Variants in SNX25 observed in about 807,000 individuals in gnomAD.
SNX25 encodes the protein sorting nexin 25, also known as sorting nexin-25.
Under a neutral mutation model 113.7 loss-of-function variants are expected in SNX25, and 62 were observed. That is an observed-to-expected ratio of 0.55 (90% confidence interval 0.44 to 0.67). The LOEUF (loss-of-function observed/expected upper bound fraction) is 0.67, where lower values mean the gene tolerates loss of function less well. Ranked by LOEUF, SNX25 falls within the 30% of genes least tolerant of loss-of-function variation. SNX25 has a pLI of 0.00. For missense variants in SNX25, 1,014 were observed against 1,161.0 expected (o/e 0.87, Z 1.84); for synonymous variants, 421 against 436.2 (o/e 0.97, Z 0.43).
chr4:185,305,412 TC>T (rs1385360050), intron 6 of SNX25, among the ~76,000 whole-genome samples: 1 of 152,220 alleles, frequency 6.6e-6, no homozygotes, highest in Non-Finnish European at 1.5e-5. Flanking sequence ...TTGGTGTTTT[TC>T]TTTTTTTATA....
intron 3 of SNX25, among the ~76,000 whole-genome samples, chr4:185,263,819 G>A (rs561179590): frequency 1.2e-4 from 19 of 152,316 alleles, no homozygotes; most frequent in African/African-American, 4.6e-4. Context: ...AGTATAGAAA[G>A]TTCTGTTTTC....
chr4:185,273,975 G>A (rs1035756540), intron 5 of SNX25, among the ~76,000 whole-genome samples: 2 of 151,982 alleles, frequency 1.3e-5, no homozygotes, highest in African/African-American at 4.8e-5. Flanking sequence ...TCATGGTCCA[G>A]GGTGGATTCT....
chr4:185,303,360 C>T (rs1753974325), intron 6 of SNX25, among the ~76,000 whole-genome samples: 1 of 152,020 alleles, frequency 6.6e-6, no homozygotes, highest in African/African-American at 2.4e-5. Context: ...GTTCCAGCAC[C>T]AAGACATTAA....
intron 6 of SNX25, among the ~76,000 whole-genome samples, chr4:185,307,300 A>T (rs1169483447): frequency 1.3e-5 from 2 of 152,196 alleles, no homozygotes; most frequent in Non-Finnish European, 2.9e-5. Flanking sequence ...CCAAGAGACA[A>T]AACACAAATG....
chr4:185,348,955 GT>G (rs2095301976), intron 13 of SNX25, among the ~76,000 whole-genome samples: 1 of 151,948 alleles, frequency 6.6e-6, no homozygotes, highest in Non-Finnish European at 1.5e-5. Context: ...GGATCATGCA[GT>G]ATTTGTCTTT....
At chr4:185,290,007 T>G (rs1026328350) in intron 6 of SNX25, among the ~76,000 whole-genome samples, 3 of 152,212 alleles carry the variant, frequency 2.0e-5, no homozygotes, top group African/African-American at 7.2e-5. Context: ...GGCCTCTCCC[T>G]GTCTGCAGAT....
At chr4:185,344,766 G>A (rs2095277018) in intron 12 of SNX25, among the ~76,000 whole-genome samples, 3 of 152,090 alleles carry the variant, frequency 2.0e-5, no homozygotes, top group African/African-American at 7.2e-5. Flanking sequence ...CTTTAACCTT[G>A]TCTCCAGAGT....
In SNX25 at chr4:185,323,623, G is replaced by T; in HGVS notation, c.1572G>T (p.Gln524His). 1.2e-6 allele frequency: 2 copies of T among 1,613,586 alleles called. No homozygotes were observed. Among genetic ancestry groups the T allele is most frequent in the Non-Finnish European group, 8.5e-7 (1 of 1,179,698 alleles). Residue 524 changes from glutamine to histidine, a missense_variant, in exon 9 of 19, where the codon CAG becomes CAT. Physicochemically the swap from Gln to His is conservative, Grantham distance 24 (BLOSUM62 0). Transcript: ENST00000652585. ...SVEKSLYKEI[Q>H]QCLVGNKGIE... is the part of the protein sequence containing the mutation. ...AAAAATCACTTTACAAAGAAATTCA[G>T]CAGTGTCTTGTAGGAAATAAAGGTA...
chr4:185,374,377 GGTT>G, downstream of SNX25: 2 of 1,614,106 alleles, frequency 1.2e-6, no homozygotes, highest in South Asian at 2.2e-5. Flanking sequence ...GCTCTTCCGA[GGTT>G]GTAAGCAGCT....
At chr4:185,365,210 GGA>G (rs1424476149), downstream of SNX25, 4 of 152,036 alleles carry the variant, frequency 2.6e-5, no homozygotes, top group Non-Finnish European at 5.9e-5. Flanking sequence ...ATTCTGCATT[GGA>G]TTTATAGAAG....
At chr4:185,247,476 G>A in intron 2 of SNX25, 98 bp downstream of exon 2, 1 of 924,296 alleles carries the variant, frequency 1.1e-6, no homozygotes, top group South Asian at 1.5e-5. Context: ...CTTCTTGTCT[G>A]CATGTAGTGT....
intron 6 of SNX25, among the ~76,000 whole-genome samples, chr4:185,291,565 A>T (rs1752173044): frequency 6.6e-6 from 1 of 152,234 alleles, no homozygotes; most frequent in South Asian, 2.1e-4. Flanking sequence ...TTTGGAGGCA[A>T]GAAGTCTAAA....
chr4:185,347,397 G>A (rs568198994), intron 13 of SNX25, among the ~76,000 whole-genome samples: 1 of 152,148 alleles, frequency 6.6e-6, no homozygotes, highest in African/African-American at 2.4e-5. Context: ...TTTATTCTTA[G>A]CCATTTTGGG....
chr4:185,350,767 CAGG>C (rs2095311019), intron 13 of SNX25, among the ~76,000 whole-genome samples: 1 of 152,150 alleles, frequency 6.6e-6, no homozygotes, highest in South Asian at 2.1e-4. Context: ...GAGGCTGAGG[CAGG>C]AGAATTGCTG....
downstream of SNX25, among the ~76,000 whole-genome samples, chr4:185,373,337 T>G (rs559221942): frequency 2.0e-5 from 3 of 152,272 alleles, no homozygotes; most frequent in East Asian, 5.8e-4. Context: ...CCAGCTGTCC[T>G]AGGTTTCAGG....
intron 5 of SNX25, among the ~76,000 whole-genome samples, chr4:185,277,788 A>G (rs574586816): frequency 3.0e-5 from 1 of 32,830 alleles, no homozygotes; most frequent in Non-Finnish European, 5.5e-5. Context: ...GCTGGAGTGC[A>G]GTGGCGGGAT....
At chr4:185,372,759 G>C, downstream of SNX25, 1 of 1,039,688 alleles carries the variant, frequency 9.6e-7, no homozygotes, top group Non-Finnish European at 1.4e-6. Context: ...GCCCTCTCCT[G>C]GCCTCTGGAA....
intron 4 of SNX25, among the ~76,000 whole-genome samples, chr4:185,265,184 T>A (rs138455326): frequency 5.5e-4 from 84 of 152,308 alleles, no homozygotes; most frequent in Middle Eastern, 3.4e-3. Context: ...CTATATGATT[T>A]GTTGATAATG....
At position 185,310,680 on chromosome 4, in the gene SNX25, A is replaced by G. The variant is rs771734945; in HGVS notation, c.1208A>G (p.Asn403Ser). Residue 403 changes from asparagine to serine, a missense_variant, in exon 7 of 19, where the codon AAC becomes AGC. Asn to Ser is a conservative substitution (Grantham distance 46). Transcript: ENST00000652585. Reference protein sequence around the residue: ...AMKADLLRARNMKRYINQLTV... With the variant: ...AMKADLLRARSMKRYINQLTV... ...AAAGCTGATCTCCTGAGGGCCAGGAACATGAAGAGGTACATCAACCAACTG... is the reference window on the plus strand; with the variant it reads ...AAAGCTGATCTCCTGAGGGCCAGGAGCATGAAGAGGTACATCAACCAACTG... 13 of 1,614,058 alleles carry G rather than the reference A, an allele frequency of 8.1e-6. No individual in the cohort carries two copies. In the Admixed American group the frequency reaches 1.8e-4, roughly 23 times the overall value.
Sources: allele counts gnomAD v4.1 joint callset (sites outside exome capture counted in the v4.1 genomes callset), GRCh38; gene constraint gnomAD v4.1.1; transcripts MANE v1.5; gene names NCBI Gene and HGNC (gene_info 2026-07-23, HGNC 2026-07-21).